The following NOS1 variants were observed in gnomAD, a reference collection of about 807,000 sequenced individuals.
NOS1 encodes NOS type I.
A neutral mutation model predicts 164.5 loss-of-function variants in NOS1; 51 were observed. The observed-to-expected ratio is 0.31, with a 90% CI of 0.25 to 0.39. The LOEUF (loss-of-function observed/expected upper bound fraction) is 0.39, where lower values mean the gene tolerates loss of function less well. Ranked by LOEUF, NOS1 falls within the 10% of genes least tolerant of loss-of-function variation. The pLI, the probability that NOS1 is intolerant of heterozygous loss-of-function variation, is 1.00. For synonymous variants in NOS1, 719 were observed against 745.8 expected (o/e 0.96, Z 0.59); for missense variants, 1,362 against 1,885.6 (o/e 0.72, Z 5.14).
intron 17 of NOS1, among the ~76,000 whole-genome samples, chr12:117,250,420 C>T (rs974856809): frequency 6.6e-6 from 1 of 151,568 alleles, no homozygotes; most frequent in Non-Finnish European, 1.5e-5. Context: ...CCTCTGCCTC[C>T]CAGGTTCAAG....
In NOS1 at chr12:117,286,215, G is replaced by A. The variant is rs76151454; in HGVS notation, c.1179C>T (p.Ile393=). ...TGAGCTGGTAAGTGCTAGTGGTGTCGATCTCTTTGTTCACCTCTTCCAGCC... is the reference window on the plus strand; with the variant it reads ...TGAGCTGGTAAGTGCTAGTGGTGTCAATCTCTTTGTTCACCTCTTCCAGCC... ...MERLEEVNKE[I]DTTSTYQLKD... The change falls in exon 6 of 29, where the codon ATC becomes ATT. Residue 393 remains isoleucine (I), a synonymous_variant. Transcript: ENST00000317775. The A allele has an allele frequency of 1.6e-4, 265 of 1,614,050 alleles. No individual in the cohort carries two copies. The highest frequency in any genetic ancestry group is 2.2e-4 in the Non-Finnish European group (256 of 1,180,038).
At chr12:117,265,734 C>T (rs1288531341) in intron 11 of NOS1, among the ~76,000 whole-genome samples, 1 of 151,990 alleles carries the variant, frequency 6.6e-6, no homozygotes, top group South Asian at 2.1e-4. Flanking sequence ...CCTTTCGTGT[C>T]GATCTTGCCA....
intron 11 of NOS1, among the ~76,000 whole-genome samples, chr12:117,265,898 C>T (rs926983384): frequency 8.6e-5 from 13 of 151,922 alleles, no homozygotes; most frequent in Admixed American, 2.6e-4. Context: ...TCACACCATT[C>T]TCCTGCCTCA....
chr12:117,350,760 C>T (rs1358820942), intron 1 of NOS1, among the ~76,000 whole-genome samples: 1 of 152,144 alleles, frequency 6.6e-6, no homozygotes, highest in Non-Finnish European at 1.5e-5. Context: ...CATCCTTTGC[C>T]CCCAGATTCA....
rs183689548 is a variant in NOS1, at chr12:117,293,213, C to T, written c.853-2787G>A. Reference sequence around the variant, plus strand: ...AGCGTGCCACTGTTAAAGACTGCTCCGGAAGAGTGCAGGCTGTGGCAGCAC... The same window carrying T: ...AGCGTGCCACTGTTAAAGACTGCTCTGGAAGAGTGCAGGCTGTGGCAGCAC... On this transcript the variant is annotated intron_variant, in intron 3 of 28. Transcript: ENST00000317775. 2.8e-3 allele frequency among the ~76,000 whole-genome samples: 421 copies of T among 152,062 alleles called. 7 individuals carry two copies. The highest frequency in any genetic ancestry group is 8.3e-4 in the South Asian group (4 of 4,804).
chr12:117,212,224 G>C lies in NOS1; in HGVS notation c.*3085C>G, dbSNP rs1956540066. ...GTTTTGAACCAGGTACTGTAACTGGGCATTTCGTGGGCATTGTCTCATTCA... is the reference window on the plus strand; with the variant it reads ...GTTTTGAACCAGGTACTGTAACTGGCCATTTCGTGGGCATTGTCTCATTCA... On this transcript the variant is annotated 3_prime_UTR_variant, in exon 29 of 29. Transcript: ENST00000317775. 1.0e-6 allele frequency: 1 copy of C among 985,194 alleles called. No homozygotes were observed. The highest frequency in any genetic ancestry group is 6.2e-5 in the Admixed American group (1 of 16,242). The allele number at this position is 985,194 out of a possible 1,614,324, so 61.0% of individuals were successfully genotyped here.
At chr12:117,316,600 A>G (rs563627039) in intron 2 of NOS1, among the ~76,000 whole-genome samples, 15 of 152,286 alleles carry the variant, frequency 9.8e-5, no homozygotes, top group African/African-American at 3.1e-4. Flanking sequence ...GTATATTTCC[A>G]TTTAGAACTA....
chr12:117,309,969 C>T (rs1188716515), intron 3 of NOS1, among the ~76,000 whole-genome samples: 2 of 152,154 alleles, frequency 1.3e-5, no homozygotes, highest in African/African-American at 2.4e-5. Flanking sequence ...TGCAGTAATA[C>T]AATCACAGCT....
chr12:117,260,184 T>C (rs891451225), intron 14 of NOS1, among the ~76,000 whole-genome samples: 11 of 151,888 alleles, frequency 7.2e-5, no homozygotes, highest in African/African-American at 2.4e-4. Context: ...CGAGCTGTAC[T>C]TCAGGCAAAG....
chr12:117,276,951 G>A (rs923810100), intron 9 of NOS1, among the ~76,000 whole-genome samples: 3 of 152,118 alleles, frequency 2.0e-5, no homozygotes, highest in African/African-American at 7.2e-5. Context: ...AAACAAAAGG[G>A]TACAGATATC....
At chr12:117,216,931 G>C (rs908105310) in intron 28 of NOS1, among the ~76,000 whole-genome samples, 1 of 152,136 alleles carries the variant, frequency 6.6e-6, no homozygotes, top group Non-Finnish European at 1.5e-5. Flanking sequence ...GCCTTGTGTT[G>C]TTGAAAAAAG....
At position 117,278,102 on chromosome 12, in the gene NOS1, C is replaced by T; in HGVS notation, c.1525-4G>A. On this transcript the variant is annotated splice_polypyrimidine_tract_variant and splice_region_variant and intron_variant, in intron 8 of 28. Transcript: ENST00000317775. ...TCCAGCCCTGCTGTATGCATATCTGCAAGCAGACCCGGCCAGGTAATGCCA... is the reference window on the plus strand; with the variant it reads ...TCCAGCCCTGCTGTATGCATATCTGTAAGCAGACCCGGCCAGGTAATGCCA... 6.2e-7 allele frequency: 1 copy of T among 1,609,316 alleles called. No individual in the cohort carries two copies. Among genetic ancestry groups the T allele is most frequent in the Non-Finnish European group, 8.5e-7 (1 of 1,177,150 alleles).
rs1031426891 is a variant in NOS1 at position 117,227,544 on chromosome 12, A to G, written c.3503T>C (p.Leu1168Pro). 4.3e-6 allele frequency: 7 copies of G among 1,613,200 alleles called. No individual in the cohort carries two copies. The highest frequency in any genetic ancestry group is 1.6e-4 in the Middle Eastern group (1 of 6,078). ...FPSIQMPATL[L>P]LTQLSLLQPR... ...CTGCAGCAGGGACAGCTGGGTCAGG[A>G]GCAGGGTGGCCGGCATCTGGATAGA... Residue 1168 changes from leucine to proline, a missense_variant, in exon 23 of 29, where the codon CTC becomes CCC. This residue lies in a region of NOS1 where 737 missense variants were observed against 1,030.3 expected (regional missense o/e 0.72). Coordinates refer to ENST00000317775, the MANE Select transcript of NOS1 (RefSeq NM_000620.5).
intron 12 of NOS1, 128 bp from the exon 13 acceptor site, chr12:117,264,102 C>T: frequency 2.3e-6 from 1 of 441,536 alleles, no homozygotes; most frequent in East Asian, 4.2e-5. Flanking sequence ...AAGAATTCTG[C>T]CCAGTGGTGA....
In NOS1 at chr12:117,320,536, C is replaced by T. The variant is rs77638295; in HGVS notation, c.726-8944G>A. On this transcript the variant is annotated intron_variant, in intron 2 of 28. Coordinates refer to ENST00000317775, the MANE Select transcript of NOS1 (RefSeq NM_000620.5). ...ATTTGATATCAGCCCACTGAGACCA[C>T]TTCAGACTTAAGACCGTCAGAATGA... Among the ~76,000 whole-genome samples the T allele has an allele frequency of 8.6e-3, 1,314 of 152,290 alleles. 17 individuals carry two copies. Among genetic ancestry groups the T allele is most frequent in the African/African-American group, 0.03 (1,252 of 41,558 alleles).
rs114809634 is a variant in NOS1, at chr12:117,255,875, G to A, written c.2532-2121C>T. On this transcript the variant is annotated intron_variant, in intron 16 of 28. Coordinates refer to ENST00000317775, the MANE Select transcript of NOS1 (RefSeq NM_000620.5). Reference sequence around the variant, plus strand: ...CTAGATGTGTGGCCTGGGATGCTCAGGCATTGGGTGTGCATGCATACACTC... The same window carrying A: ...CTAGATGTGTGGCCTGGGATGCTCAAGCATTGGGTGTGCATGCATACACTC... 9.5e-4 allele frequency: 978 copies of A among 1,031,346 alleles called. 14 individuals carry two copies. In the African/African-American group the frequency reaches 0.013, roughly 14 times the overall value. 63.9% of individuals were successfully genotyped at this position (1,031,346 alleles called of 1,614,324 possible).
At chr12:117,298,461 C>T (rs779849438) in intron 3 of NOS1, among the ~76,000 whole-genome samples, 11 of 151,890 alleles carry the variant, frequency 7.2e-5, no homozygotes, top group Non-Finnish European at 1.3e-4. Context: ...GGTTTGGGGA[C>T]CCCTGTATTA....
At position 117,243,257 on chromosome 12, in the gene NOS1, A is replaced by G. The variant is rs765456246; in HGVS notation, c.2962+40T>C. ...AGGTGAGATCACCTGCCTTTCCCCC[A>G]TTGTCACGAATACCTCCCTGGAAGG... is the stretch of plus-strand genomic sequence containing the variant. On this transcript the variant is annotated intron_variant, in intron 19 of 28. Transcript: ENST00000317775. The surrounding 1 kb of genome is among the most constrained non-coding windows in gnomAD (Gnocchi z 4.3). 1 of 1,609,394 alleles carries G rather than the reference A, an allele frequency of 6.2e-7. No homozygotes were observed.
At position 117,212,150 on chromosome 12, in the gene NOS1, G is replaced by A. The variant is rs1956538598; in HGVS notation, c.*3159C>T. ...AACTGCCCGGTGCCTTCCACACACT[G>A]GAGAAGCAAGACATGTTATAAGTTA... On this transcript the variant is annotated 3_prime_UTR_variant, in exon 29 of 29. Coordinates refer to ENST00000317775, the MANE Select transcript of NOS1 (RefSeq NM_000620.5). 1 of 985,226 alleles carries A rather than the reference G, an allele frequency of 1.0e-6. No homozygotes were observed. Among genetic ancestry groups the A allele is most frequent in the African/African-American group, 1.7e-5 (1 of 57,222 alleles). 61.0% of individuals were successfully genotyped at this position (985,226 alleles called of 1,614,324 possible).
Sources: gnomAD v4.1 joint callset for allele counts (sites outside exome capture counted in the v4.1 genomes callset) on GRCh38, gnomAD v4.1.1 for gene constraint, gnomAD v4.1.1 regional missense constraint, Gnocchi (gnomAD v3.1) non-coding constraint, MANE v1.5 for transcripts, NCBI Gene and HGNC (gene_info 2026-07-23, HGNC 2026-07-21) for gene names.